TBCD: variants seen among roughly 807,000 people sequenced by gnomAD.
The protein encoded by TBCD is tubulin-specific chaperone D.
Under a neutral mutation model 169.3 loss-of-function variants are expected in TBCD, and 105 were observed. That is an observed-to-expected ratio of 0.62 (90% CI 0.53 to 0.73). The LOEUF is 0.73. Ranked by LOEUF, TBCD falls within the 30% of genes least tolerant of loss-of-function variation. The probability of loss-of-function intolerance (pLI) is 0.00; values close to 1 mark genes in which losing one functional copy is unlikely to be tolerated. For missense variants in TBCD, 1,444 were observed against 1,600.1 expected (o/e 0.90, Z 1.66); for synonymous variants, 700 against 643.9 (o/e 1.09, Z -1.32).
chr17:82,771,047 C>CAAAAA (rs36015818), intron 5 of TBCD, among the ~76,000 whole-genome samples: 4 of 38,602 alleles, frequency 1.0e-4, no homozygotes, highest in Admixed American at 2.8e-4. Context: ...GACTCCGTCT[C>CAAAAA]AAAAAAAAAA....
chr17:82,775,092 C>G (rs987965151), intron 6 of TBCD, among the ~76,000 whole-genome samples: 2 of 152,224 alleles, frequency 1.3e-5, no homozygotes, highest in Non-Finnish European at 2.9e-5. Flanking sequence ...TGGGGTCCTC[C>G]GGGAAAAGAG....
Position 82,903,269 on chromosome 17 carries a change from G to A in TBCD, c.1731-136G>A, listed in dbSNP as rs968861896. ...GTCGGAGGTTCTTGTACTGGTTCGT[G>A]TGAGTGAGTGAGTGAGCCTCTGCTA... is the stretch of plus-strand genomic sequence containing the variant. On this transcript the variant is annotated intron_variant, in intron 18 of 38. Transcript: ENST00000355528. The surrounding 1 kb of genome is among the most constrained non-coding windows in gnomAD (Gnocchi z 4.8). 3 of 725,328 alleles carry A rather than the reference G, an allele frequency of 4.1e-6. No homozygotes were observed. Among genetic ancestry groups the A allele is most frequent in the African/African-American group, 1.8e-5 (1 of 56,586 alleles). 44.9% of individuals were successfully genotyped at this position (725,328 alleles called of 1,614,324 possible).
At chr17:82,926,707 G>A (rs1313034835) in intron 28 of TBCD, among the ~76,000 whole-genome samples, 1 of 152,220 alleles carries the variant, frequency 6.6e-6, no homozygotes, top group African/African-American at 2.4e-5. Flanking sequence ...GGGACACTGG[G>A]CCCCTTGGAG....
At chr17:82,873,059 T>TGCCAGGGAG (rs2057723943) in intron 14 of TBCD, among the ~76,000 whole-genome samples, 1 of 152,260 alleles carries the variant, frequency 6.6e-6, no homozygotes, top group Admixed American at 6.5e-5. Flanking sequence ...GGCTCAGCGC[T>TGCCAGGGAG]GCCTCGTGGC....
chr17:82,887,566 G>A (rs187439706), intron 15 of TBCD, among the ~76,000 whole-genome samples: 1,666 of 152,270 alleles, frequency 0.011, 16 homozygotes, highest in Non-Finnish European at 0.017. Context: ...TAGTCTTTAA[G>A]CTGCTGTAAA....
intron 12 of TBCD, among the ~76,000 whole-genome samples, chr17:82,813,242 G>A (rs986499527): frequency 3.9e-5 from 6 of 152,006 alleles, no homozygotes; most frequent in African/African-American, 9.7e-5. Context: ...TCTGAGACCC[G>A]TGTACCTGCG....
chr17:82,878,159 C>T (rs934937769), intron 14 of TBCD, among the ~76,000 whole-genome samples: 1 of 152,256 alleles, frequency 6.6e-6, no homozygotes, highest in Non-Finnish European at 1.5e-5. Context: ...ACAGGCTGGT[C>T]TGCCCGGGAC....
chr17:82,939,032 T>C (rs921255006), intron 36 of TBCD: 89 of 402,484 alleles, frequency 2.2e-4, no homozygotes, highest in Middle Eastern at 2.1e-3. Flanking sequence ...ATTGCTTCTC[T>C]GGTGAGGGAG....
At position 82,806,038 on chromosome 17, in the gene TBCD, T is replaced by C; in HGVS notation, c.1087+27T>C. 1 of 1,604,030 alleles carries C rather than the reference T, an allele frequency of 6.2e-7. No homozygotes were observed. Among genetic ancestry groups the C allele is most frequent in the East Asian group, 2.2e-5 (1 of 44,554 alleles). ...TGCGTGGGGTCTAAGCGGCGGCCTC[T>C]GCTCTTGGGCACCGTCGGGCCAATT... On this transcript the variant is annotated intron_variant, in intron 10 of 38. Transcript: ENST00000355528. The surrounding 1 kb of genome is among the most constrained non-coding windows in gnomAD (Gnocchi z 5.1).
chr17:82,777,030 T>G (rs635999), intron 6 of TBCD, among the ~76,000 whole-genome samples: 75,140 of 151,892 alleles, frequency 0.49, 19,975 homozygotes, highest in African/African-American at 0.71. Context: ...GGGCGATGGG[T>G]ATTGCCCCAG....
chr17:82,819,406 A>G (rs940054192), intron 13 of TBCD, among the ~76,000 whole-genome samples: 2 of 152,200 alleles, frequency 1.3e-5, no homozygotes, highest in Non-Finnish European at 2.9e-5. Context: ...ACACACACAG[A>G]ATCTCCATCT....
chr17:82,805,812 G>A lies in TBCD; in HGVS notation c.951-63G>A, dbSNP rs913878520. On this transcript the variant is annotated intron_variant, in intron 9 of 38. Transcript: ENST00000355528. ...AGATTCAAAGTGACACTGAATGACT[G>A]GTTCCAGTCATCAGGATGCTGTGAG... 1.0e-5 allele frequency: 16 copies of A among 1,547,822 alleles called. No individual in the cohort carries two copies. The African/African-American group carries it at 1.8e-4, about 17-fold the overall frequency.
chr17:82,781,275 G>A (rs1048094364), intron 6 of TBCD, among the ~76,000 whole-genome samples: 8 of 147,748 alleles, frequency 5.4e-5, no homozygotes, highest in African/African-American at 1.8e-4. Context: ...GCTCCCTGGC[G>A]GTGATGGGGA....
intron 13 of TBCD, among the ~76,000 whole-genome samples, chr17:82,842,451 G>A (rs944608457): frequency 1.3e-5 from 2 of 152,168 alleles, no homozygotes; most frequent in African/African-American, 2.4e-5. Context: ...CATGGAAGAT[G>A]GGAATTTGCC....
At chr17:82,883,866 C>G (rs1199032363) in intron 14 of TBCD, among the ~76,000 whole-genome samples, 1 of 152,240 alleles carries the variant, frequency 6.6e-6, no homozygotes, top group Non-Finnish European at 1.5e-5. Context: ...AGGCCCTGTC[C>G]TCGTGGCTCT....
At chr17:82,900,500 G>A (rs1468607501) in intron 17 of TBCD, 151 bp from the exon 18 acceptor site, 8 of 631,990 alleles carry the variant, frequency 1.3e-5, no homozygotes, top group Non-Finnish European at 2.3e-5. Flanking sequence ...TTTCTTTTGG[G>A]TAACTGCTCA....
Position 82,911,752 on chromosome 17 carries a change from T to C in TBCD, c.2007-6T>C, listed in dbSNP as rs78589881. 3.4e-3 allele frequency: 5,415 copies of C among 1,613,826 alleles called. 144 individuals carry two copies. In the African/African-American group the frequency reaches 0.063, roughly 19 times the overall value. On this transcript the variant is annotated splice_region_variant and splice_polypyrimidine_tract_variant and intron_variant, in intron 22 of 38. Transcript: ENST00000355528. ...TTCTAATTCTGATGTTTTCATTCCT[T>C]TTCAGGGGTCTGGGAGGACAGCTCA... is the stretch of plus-strand genomic sequence containing the variant.
At chr17:82,799,655 C>T (rs1057498981) in intron 8 of TBCD, among the ~76,000 whole-genome samples, 3 of 152,224 alleles carry the variant, frequency 2.0e-5, no homozygotes, top group African/African-American at 7.2e-5. Flanking sequence ...GCCATCTCAC[C>T]TGTGTGTACT....
At chr17:82,826,324 T>G (rs2052848009) in intron 13 of TBCD, among the ~76,000 whole-genome samples, 1 of 152,140 alleles carries the variant, frequency 6.6e-6, no homozygotes, top group Non-Finnish European at 1.5e-5. Flanking sequence ...GAGTACAGAG[T>G]TGACCAAAAC....
Sources: gnomAD v4.1 joint callset for allele counts (sites outside exome capture counted in the v4.1 genomes callset) on GRCh38, gnomAD v4.1.1 for gene constraint, Gnocchi (gnomAD v3.1) non-coding constraint, MANE v1.5 for transcripts, NCBI Gene and HGNC (gene_info 2026-07-23, HGNC 2026-07-21) for gene names.